The following BANK1 variants were observed in gnomAD, a reference collection of about 807,000 sequenced individuals.
BANK1 encodes B-cell scaffold protein with ankyrin repeats.
BANK1 carries 95 observed loss-of-function variants against 94.5 expected under a neutral mutation model. That is an observed-to-expected ratio of 1.00 (90% CI 0.85 to 1.19). BANK1 has a LOEUF of 1.19. BANK1 is among the 50% of genes most tolerant of loss of function. The pLI is 0.00. For synonymous variants in BANK1, 334 were observed against 308.4 expected, an observed-to-expected ratio of 1.08 and a Z score of -0.87; for missense variants, 987 against 932.2, an observed-to-expected ratio of 1.06 and a Z score of -0.77.
chr4:102,010,089 A>C (rs1205868093), intron 7 of BANK1, among the ~76,000 whole-genome samples: 18 of 142,164 alleles, frequency 1.3e-4, no homozygotes, highest in Non-Finnish European at 2.9e-4. Flanking sequence ...ACACGGTGAA[A>C]CCCGTCTCTA....
intron 1 of BANK1, among the ~76,000 whole-genome samples, chr4:101,792,638 ATTAAC>A (rs1231325872): frequency 1.3e-5 from 2 of 152,112 alleles, no homozygotes; most frequent in African/African-American, 4.8e-5. Context: ...TCACCCATTC[ATTAAC>A]TTAACAAACT....
chr4:101,851,149 G>A (rs1727460238), intron 2 of BANK1, among the ~76,000 whole-genome samples: 1 of 152,094 alleles, frequency 6.6e-6, no homozygotes, highest in South Asian at 2.1e-4. Context: ...TGAGTGCAAA[G>A]GAAAAGTTCT....
intron 7 of BANK1, among the ~76,000 whole-genome samples, chr4:101,962,986 C>G (rs1414140480): frequency 6.6e-6 from 1 of 152,068 alleles, no homozygotes. Flanking sequence ...CAAATTTGCT[C>G]TTGTTCCAAC....
At chr4:102,064,639 G>A (rs147736830) in intron 13 of BANK1, among the ~76,000 whole-genome samples, 11 of 152,196 alleles carry the variant, frequency 7.2e-5, no homozygotes, top group Admixed American at 1.3e-4. Flanking sequence ...CCTTTCAGCC[G>A]CACTGGAATA....
chr4:101,877,437 T>C (rs1728531978), intron 5 of BANK1, among the ~76,000 whole-genome samples: 1 of 152,022 alleles, frequency 6.6e-6, no homozygotes, highest in Non-Finnish European at 1.5e-5. Flanking sequence ...TTAGAAAGAG[T>C]AAGCGATGAA....
At position 101,790,964 on chromosome 4, in the gene BANK1, C is replaced by T; in HGVS notation, c.70+14C>T. On this transcript the variant is annotated intron_variant, in intron 1 of 16. Transcript: ENST00000322953. ...CAGCGCCCCCAGGTGGGTAGTCGCG[C>T]ATTCGGAGGGGCTTGACGCCGAGGC... 1 of 1,494,890 alleles carries T rather than the reference C, an allele frequency of 6.7e-7. No individual in the cohort carries two copies. The highest frequency in any genetic ancestry group is 1.3e-5 in the South Asian group (1 of 77,220). The allele number at this position is 1,494,890 out of a possible 1,614,324, so 92.6% of individuals were successfully genotyped here.
chr4:101,887,869 A>C (rs1403100515), intron 5 of BANK1, among the ~76,000 whole-genome samples: 1 of 152,196 alleles, frequency 6.6e-6, no homozygotes, highest in Non-Finnish European at 1.5e-5. Flanking sequence ...TTATACATTT[A>C]CATTATTATT....
chr4:102,016,085 TC>T (rs1726689985), intron 7 of BANK1, among the ~76,000 whole-genome samples: 1 of 152,216 alleles, frequency 6.6e-6, no homozygotes, highest in African/African-American at 2.4e-5. Context: ...TAATATTTCA[TC>T]CTTTTCTTTG....
At position 101,918,296 on chromosome 4, in the gene BANK1, G is replaced by C. The variant is rs1045401161; in HGVS notation, c.1206+107G>C. 1.8e-5 allele frequency: 12 copies of C among 650,154 alleles called. No individual in the cohort carries two copies. The South Asian group carries it at 5.0e-4, about 27-fold the overall frequency. The allele number at this position is 650,154 out of a possible 1,614,324, so 40.3% of individuals were successfully genotyped here. ...CTTTACCGTTTTCTTTAAGACTCTA[G>C]TTAAGGCACTATTAGGCACATGAAA... On this transcript the variant is annotated intron_variant, in intron 7 of 16. Transcript: ENST00000322953.
intron 4 of BANK1, among the ~76,000 whole-genome samples, chr4:101,866,082 G>A (rs1317696602): frequency 6.6e-6 from 1 of 151,978 alleles, no homozygotes. Context: ...GCATGCATCA[G>A]ACTAGAATTA....
chr4:101,992,936 CT>C (rs1578441474), intron 7 of BANK1, among the ~76,000 whole-genome samples: 1 of 152,162 alleles, frequency 6.6e-6, no homozygotes, highest in African/African-American at 2.4e-5. Context: ...GGATTCAGGA[CT>C]TTCAGAGCTA....
At chr4:101,911,243 T>C (rs1235936644) in intron 6 of BANK1, among the ~76,000 whole-genome samples, 2 of 152,056 alleles carry the variant, frequency 1.3e-5, no homozygotes, top group Non-Finnish European at 2.9e-5. Flanking sequence ...CGGGGTGTCA[T>C]TGAAGTGAAA....
At chr4:101,838,067 C>T (rs1726899771) in intron 2 of BANK1, among the ~76,000 whole-genome samples, 1 of 152,166 alleles carries the variant, frequency 6.6e-6, no homozygotes, top group African/African-American at 2.4e-5. Flanking sequence ...TCAAATGATT[C>T]TTGTGCCTCA....
intron 10 of BANK1, chr4:102,036,765 A>G (rs1303794645): frequency 6.6e-6 from 1 of 152,238 alleles, no homozygotes; most frequent in South Asian, 2.1e-4. Context: ...TCATTCTCAC[A>G]GTAGAACATC....
intron 13 of BANK1, among the ~76,000 whole-genome samples, chr4:102,069,413 C>G (rs1728688195): frequency 6.6e-6 from 1 of 152,102 alleles, no homozygotes; most frequent in African/African-American, 2.4e-5. Context: ...AAGGCAAATT[C>G]AACTACACTG....
intron 6 of BANK1, among the ~76,000 whole-genome samples, chr4:101,896,676 A>G (rs1245808726): frequency 2.6e-5 from 4 of 151,970 alleles, no homozygotes; most frequent in African/African-American, 9.7e-5. Context: ...TTTACATATG[A>G]CACATAATTT....
chr4:101,894,944 A>T (rs1045803297), intron 5 of BANK1, among the ~76,000 whole-genome samples: 6 of 151,866 alleles, frequency 4.0e-5, no homozygotes, highest in Non-Finnish European at 8.8e-5. Context: ...TGCAAAATAT[A>T]TTTTTACCAA....
At chr4:101,886,677 TTAAG>T (rs1352996674) in intron 5 of BANK1, among the ~76,000 whole-genome samples, 1 of 151,078 alleles carries the variant, frequency 6.6e-6, no homozygotes, top group Non-Finnish European at 1.5e-5. Context: ...ATGAATGTCA[TTAAG>T]TATCTCCATT....
intron 7 of BANK1, among the ~76,000 whole-genome samples, chr4:102,007,305 CTG>C (rs1014734056): frequency 1.3e-5 from 2 of 150,274 alleles, no homozygotes; most frequent in African/African-American, 4.9e-5. Flanking sequence ...ATCAACAACT[CTG>C]TTTTAGCAAA....
Sources: gnomAD v4.1 joint callset for allele counts (sites outside exome capture counted in the v4.1 genomes callset) on GRCh38, gnomAD v4.1.1 for gene constraint, MANE v1.5 for transcripts, NCBI Gene and HGNC (gene_info 2026-07-23, HGNC 2026-07-21) for gene names.